Variants in OVCH2 observed in about 807,000 individuals in gnomAD.
OVCH2 encodes ovochymase 2.
A neutral mutation model predicts 73.7 loss-of-function variants in OVCH2; 88 were observed. The observed-to-expected ratio is 1.19, with a 90% CI of 1.01 to 1.43. The LOEUF is 1.43. Ranked by LOEUF, OVCH2 falls within the 40% of genes most tolerant of loss-of-function variation. OVCH2 has a pLI of 0.00. For synonymous variants in OVCH2, 265 were observed against 234.5 expected (o/e 1.13, Z -1.19); for missense variants, 706 against 674.5 (o/e 1.05, Z -0.52).
chr11:7,690,100 G>C lies in OVCH2; in HGVS notation c.1640-87C>G, dbSNP rs560213991. On this transcript the variant is annotated intron_variant, in intron 14 of 15. Coordinates refer to ENST00000533663, the MANE Select transcript of OVCH2 (RefSeq NM_198185.7). ...TCAGAAAATGATTTATGAAGCTATT[G>C]TTAGAATTCTGGGGCACCTCAGCCA... The C allele has an allele frequency of 5.9e-6, 6 of 1,009,880 alleles. No individual in the cohort carries two copies. In the Admixed American group the frequency reaches 8.6e-5, roughly 14 times the overall value. 62.6% of individuals were successfully genotyped at this position (1,009,880 alleles called of 1,614,324 possible).
At chr11:7,679,169 G>A in the OVCH2 span, among the ~76,000 whole-genome samples, 1 of 152,116 alleles carries the variant, frequency 6.6e-6, no homozygotes, top group Admixed American at 6.5e-5. Context: ...TGACAAAAGG[G>A]ACTTTGTAGC....
chr11:7,702,103 A>C, intron 4 of OVCH2, 54 bp downstream of exon 4: 1 of 1,456,302 alleles, frequency 6.9e-7, no homozygotes, highest in African/African-American at 1.4e-5. Context: ...GCTATGGCAC[A>C]GAGGTTATAG....
chr11:7,687,136 C>CA (rs544134370), downstream of OVCH2, among the ~76,000 whole-genome samples: 18 of 147,754 alleles, frequency 1.2e-4, no homozygotes, highest in East Asian at 1.6e-3. Flanking sequence ...CCCAACCCCG[C>CA]AAAAAAAAAG....
chr11:7,692,032 C>G (rs748538768), intron 12 of OVCH2, 37 bp from the exon 13 acceptor site: 3 of 1,416,622 alleles, frequency 2.1e-6, no homozygotes, highest in East Asian at 4.9e-5. Context: ...AGTAAACAAT[C>G]TGAATGAATT....
At chr11:7,686,581 C>T (rs1856143947), downstream of OVCH2, among the ~76,000 whole-genome samples, 1 of 152,176 alleles carries the variant, frequency 6.6e-6, no homozygotes, top group Admixed American at 6.5e-5. Flanking sequence ...AAAAGAAGCA[C>T]TCATTCTCAT....
chr11:7,703,782 A>G lies in OVCH2; in HGVS notation c.206T>C (p.Leu69Pro). Residue 69 changes from leucine (L) to proline (P), a missense_variant, in exon 3 of 16, where the codon CTG becomes CCG. Physicochemically the swap from Leu to Pro is moderately conservative, Grantham distance 98. Coordinates refer to ENST00000533663, the MANE Select transcript of OVCH2 (RefSeq NM_198185.7). ...EKGSYPWQVS[L>P]KQRQKHICGG... ...ACAAATATGCTTCTGCCTTTGTTTC[A>G]GAGATACCTAAATTGCAAATACCTT... The G allele has an allele frequency of 6.2e-7, 1 of 1,605,270 alleles. No individual in the cohort carries two copies. Among genetic ancestry groups the G allele is most frequent in the Non-Finnish European group, 8.5e-7 (1 of 1,175,618 alleles).
At chr11:7,682,472 G>A in the OVCH2 span, among the ~76,000 whole-genome samples, 5 of 152,352 alleles carry the variant, frequency 3.3e-5, no homozygotes, top group East Asian at 9.6e-4. Context: ...CTATGACTGG[G>A]TCATTGGTAT....
chr11:7,698,885 A>C, intron 7 of OVCH2, 112 bp from the exon 8 acceptor site: 1 of 1,059,452 alleles, frequency 9.4e-7, no homozygotes, highest in Non-Finnish European at 1.4e-6. Context: ...TATGCAACTA[A>C]TAAAAATCTT....
Position 7,701,536 on chromosome 11 carries a change from T to C in OVCH2, c.560-61A>G, listed in dbSNP as rs190547819. On this transcript the variant is annotated intron_variant, in intron 5 of 15. Transcript: ENST00000533663. ...TCTTTCACCCTTTCTGAGTTGAAGATGCATCATTTGTGTTTGTGTCGCTTG... is the reference window on the plus strand; with the variant it reads ...TCTTTCACCCTTTCTGAGTTGAAGACGCATCATTTGTGTTTGTGTCGCTTG... 1.3e-4 allele frequency: 203 copies of C among 1,563,220 alleles called. 3 individuals carry two copies. The Admixed American group carries it at 3.7e-3, about 28-fold the overall frequency.
chr11:7,696,662 G>A (rs1334846392), intron 9 of OVCH2, 47 bp downstream of exon 9: 2 of 1,613,882 alleles, frequency 1.2e-6, no homozygotes, highest in South Asian at 2.2e-5. Flanking sequence ...GGTGGGCCCA[G>A]ACCGGAGGTG....
downstream of OVCH2, among the ~76,000 whole-genome samples, chr11:7,688,198 G>A (rs185250910): frequency 3.7e-3 from 567 of 151,712 alleles, 5 homozygotes; most frequent in African/African-American, 0.013. Context: ...CTAAAAATAG[G>A]CTTCTTTTGG....
At chr11:7,695,847 A>AT (rs1206077463) in intron 10 of OVCH2, 137 bp from the exon 11 acceptor site, 2 of 1,194,348 alleles carry the variant, frequency 1.7e-6, no homozygotes, top group Non-Finnish European at 2.4e-6. Context: ...CACAATTGAC[A>AT]TTTTGAGCCA....
intron 11 of OVCH2, 103 bp downstream of exon 11, chr11:7,695,467 T>C (rs770719569): frequency 1.0e-5 from 12 of 1,178,792 alleles, no homozygotes; most frequent in Admixed American, 7.2e-5. Context: ...GTGGAGTCAG[T>C]TGGGCCTTGG....
the OVCH2 span, among the ~76,000 whole-genome samples, chr11:7,681,292 A>C: frequency 3.9e-5 from 6 of 152,372 alleles, no homozygotes; most frequent in Admixed American, 3.3e-4. Context: ...CTACCTGTTC[A>C]GAATTCTCTA....
chr11:7,695,290 A>G lies in OVCH2; in HGVS notation c.1283-102T>C. The stretch of plus-strand genomic sequence containing the variant: ...CCTGAAAATGATGCATATCAATTGC[A>G]TTTTCAGACACTGCGAACAAGAAAA... On this transcript the variant is annotated intron_variant, in intron 11 of 15. Transcript: ENST00000533663. 5 of 1,326,456 alleles carry G rather than the reference A, an allele frequency of 3.8e-6. No homozygotes were observed. In the South Asian group the frequency reaches 7.5e-5, roughly 20 times the overall value. 82.2% of individuals were successfully genotyped at this position (1,326,456 alleles called of 1,614,324 possible). A position where few individuals can be genotyped will look rare whatever the true frequency, so the allele number is the denominator to read the frequency against.
downstream of OVCH2, among the ~76,000 whole-genome samples, chr11:7,686,548 A>T (rs1408329154): frequency 1.3e-5 from 2 of 152,210 alleles, no homozygotes; most frequent in African/African-American, 4.8e-5. Flanking sequence ...ACACATTTTT[A>T]AAATTATTAA....
At chr11:7,679,142 A>G in the OVCH2 span, among the ~76,000 whole-genome samples, 16,079 of 152,254 alleles carry the variant, frequency 0.11, 1,286 homozygotes, top group East Asian at 0.44. Context: ...CCCACAACCT[A>G]TGAATGCTAC....
At chr11:7,704,512 A>G (rs986132091) in intron 2 of OVCH2, 53 bp downstream of exon 2, 3 of 1,243,234 alleles carry the variant, frequency 2.4e-6, no homozygotes, top group Non-Finnish European at 3.4e-6. Context: ...AAAAATATCT[A>G]TATCCATAAT....
rs551745516 is a variant in OVCH2, at chr11:7,696,827, G to A, written c.926-28C>T. ...GGGAGGGAAAGCCAGGAGAGTCAGG[G>A]TTAGTTATGCCAGTTAACCACAGCA... On this transcript the variant is annotated intron_variant, in intron 8 of 15. Coordinates refer to ENST00000533663, the MANE Select transcript of OVCH2 (RefSeq NM_198185.7). The A allele has an allele frequency of 8.2e-6, 13 of 1,583,172 alleles. No individual in the cohort carries two copies. In the Admixed American group the frequency reaches 9.0e-5, roughly 11 times the overall value.
Sources: allele counts gnomAD v4.1 joint callset (sites outside exome capture counted in the v4.1 genomes callset), GRCh38; gene constraint gnomAD v4.1.1; transcripts MANE v1.5; gene names NCBI Gene and HGNC (gene_info 2026-07-23, HGNC 2026-07-21).